The following RAB32 variants were observed in gnomAD, a reference collection of about 807,000 sequenced individuals.
RAB32 encodes ras-related protein Rab-32.
In RAB32, 17 loss-of-function variants were observed where a neutral mutation model predicts 17.5. The ratio of observed to expected loss-of-function variants is 0.97; its 90% CI spans 0.67 to 1.46. The LOEUF (loss-of-function observed/expected upper bound fraction) is 1.46. RAB32 is among the 40% of genes most tolerant of loss of function. The pLI is 0.00. For synonymous variants in RAB32, 115 were observed against 111.1 expected (o/e 1.04, Z -0.22); for missense variants, 288 against 284.3 (o/e 1.01, Z -0.09).
At chr6:146,547,260 G>A (rs1189309459) in intron 1 of RAB32, among the ~76,000 whole-genome samples, 2 of 152,046 alleles carry the variant, frequency 1.3e-5, no homozygotes, top group Non-Finnish European at 2.9e-5. Context: ...TTGCTTATTA[G>A]TCACTATAGC....
At chr6:146,553,398 G>A (rs1284372275) in intron 2 of RAB32, among the ~76,000 whole-genome samples, 1 of 152,162 alleles carries the variant, frequency 6.6e-6, no homozygotes, top group African/African-American at 2.4e-5. Context: ...CTGATAAACT[G>A]TGCAGGGTAC....
intron 1 of RAB32, among the ~76,000 whole-genome samples, chr6:146,546,697 TA>T (rs1326167477): frequency 6.6e-6 from 1 of 151,508 alleles, no homozygotes; most frequent in East Asian, 1.9e-4. Context: ...TCTCAAATAA[TA>T]GAAATATTCT....
At chr6:146,545,797 G>A (rs1436078207) in intron 1 of RAB32, among the ~76,000 whole-genome samples, 1 of 152,202 alleles carries the variant, frequency 6.6e-6, no homozygotes, top group East Asian at 1.9e-4. Flanking sequence ...ACAAAGTCAT[G>A]GATTCTAAAG....
rs747587854 is a variant in RAB32, at chr6:146,544,028, C to A, written c.157C>A (p.His53Asn). ...CTACGTCCACCAGCTCTTCTCCCAG[C>A]ACTACCGGGCCACCATCGGGGTGGA... ...KRYVHQLFSQ[H>N]YRATIGVDFA... is the part of the protein sequence containing the mutation. The change falls in exon 1 of 3, where the codon CAC becomes AAC. Residue 53 changes from histidine to asparagine, a missense_variant. Coordinates refer to ENST00000367495, the MANE Select transcript of RAB32 (RefSeq NM_006834.5). 6.2e-7 allele frequency: 1 copy of A among 1,613,998 alleles called. No individual in the cohort carries two copies. Among genetic ancestry groups the A allele is most frequent in the East Asian group, 2.2e-5 (1 of 44,826 alleles).
At chr6:146,544,254 A>G in intron 1 of RAB32, 133 bp downstream of exon 1, 1 of 1,196,990 alleles carries the variant, frequency 8.4e-7, no homozygotes, top group South Asian at 1.7e-5. Context: ...GGCCCAATCC[A>G]AGGGCGAGAT....
chr6:146,544,368 G>A (rs973020528), intron 1 of RAB32, among the ~76,000 whole-genome samples: 1 of 152,056 alleles, frequency 6.6e-6, no homozygotes, highest in Admixed American at 6.5e-5. Context: ...CTGAAGGGAG[G>A]CGAGGAGGCC....
intron 2 of RAB32, among the ~76,000 whole-genome samples, chr6:146,553,065 A>C (rs898462639): frequency 5.3e-5 from 8 of 152,158 alleles, no homozygotes; most frequent in African/African-American, 1.2e-4. Flanking sequence ...TTCTTTTTTT[A>C]TTTTTATTTT....
At position 146,554,868 on chromosome 6, in the gene RAB32, A is replaced by G; in HGVS notation, c.*263A>G. ...TGTTTACATCCTTTTAAACATTTTTATATGACAATTCCTCAGGATTTGGTA... is the reference window on the plus strand; with the variant it reads ...TGTTTACATCCTTTTAAACATTTTTGTATGACAATTCCTCAGGATTTGGTA... On this transcript the variant is annotated 3_prime_UTR_variant, in exon 3 of 3. Transcript: ENST00000367495. 1 of 292,908 alleles carries G rather than the reference A, an allele frequency of 3.4e-6. No homozygotes were observed. 18.1% of individuals were successfully genotyped at this position (292,908 alleles called of 1,614,324 possible).
chr6:146,553,154 T>C lies in RAB32; in HGVS notation c.529-1302T>C, dbSNP rs117250009. Among the ~76,000 whole-genome samples, 630 of 152,322 alleles carry C rather than the reference T, an allele frequency of 4.1e-3. 26 individuals carry two copies. The East Asian group carries it at 0.095, about 23-fold the overall frequency. On this transcript the variant is annotated intron_variant, in intron 2 of 2. Transcript: ENST00000367495. ...CGTATGTATACATGTGTGGAACCTCTTTCTAACAGTAGAATTCCAGCTAAT... is the reference window on the plus strand; with the variant it reads ...CGTATGTATACATGTGTGGAACCTCCTTCTAACAGTAGAATTCCAGCTAAT...
chr6:146,546,093 G>A (rs1562729900), intron 1 of RAB32, among the ~76,000 whole-genome samples: 2 of 152,188 alleles, frequency 1.3e-5, no homozygotes, highest in East Asian at 3.9e-4. Flanking sequence ...ATTAATCACA[G>A]ACCTCGAATG....
intron 1 of RAB32, among the ~76,000 whole-genome samples, chr6:146,546,008 A>G (rs982910303): frequency 4.6e-5 from 7 of 152,238 alleles, no homozygotes; most frequent in African/African-American, 1.7e-4. Context: ...TTAAGTGTTT[A>G]TAGTTAGAAA....
chr6:146,551,272 A>G (rs1279873328), intron 2 of RAB32, among the ~76,000 whole-genome samples: 5 of 152,236 alleles, frequency 3.3e-5, no homozygotes, highest in African/African-American at 9.6e-5. Context: ...CAGGAGTGCT[A>G]TGTGAGCACT....
chr6:146,544,012 C>T lies in RAB32; in HGVS notation c.141C>T (p.His47=). The T allele has an allele frequency of 6.2e-7, 1 of 1,613,922 alleles. No homozygotes were observed. The part of the protein sequence containing the change: ...GKTSIIKRYV[H]QLFSQHYRAT... ...CCAGCATCATCAAGCGCTACGTCCACCAGCTCTTCTCCCAGCACTACCGGG... is the reference window on the plus strand; with the variant it reads ...CCAGCATCATCAAGCGCTACGTCCATCAGCTCTTCTCCCAGCACTACCGGG... Residue 47 remains histidine, a synonymous_variant, in exon 1 of 3, where the codon CAC becomes CAT. Transcript: ENST00000367495.
At position 146,554,723 on chromosome 6, in the gene RAB32, C is replaced by T. The variant is rs1056843315; in HGVS notation, c.*118C>T. ...CATGTGGCACTTCAAAAGGCAGCAC[C>T]ACTGGGCGCCTGCACTTATTTGAAA... On this transcript the variant is annotated 3_prime_UTR_variant, in exon 3 of 3. Coordinates refer to ENST00000367495, the MANE Select transcript of RAB32 (RefSeq NM_006834.5). The T allele has an allele frequency of 2.7e-6, 3 of 1,107,942 alleles. No individual in the cohort carries two copies. Among genetic ancestry groups the T allele is most frequent in the Non-Finnish European group, 2.6e-6 (2 of 781,964 alleles). 68.6% of individuals were successfully genotyped at this position (1,107,942 alleles called of 1,614,324 possible). A position where few individuals can be genotyped will look rare whatever the true frequency, so the allele number is the denominator to read the frequency against.
At position 146,549,113 on chromosome 6, in the gene RAB32, C is replaced by G. The variant is rs183862561; in HGVS notation, c.251-351C>G. On this transcript the variant is annotated intron_variant, in intron 1 of 2. Coordinates refer to ENST00000367495, the MANE Select transcript of RAB32 (RefSeq NM_006834.5). ...TCTTCTATTCTTGTCTCTTCTTCCT[C>G]TACTTCCAGCTTTATGTTTTCCTTT... Among the ~76,000 whole-genome samples the G allele has an allele frequency of 5.9e-4, 90 of 152,348 alleles. 1 individual carries two copies. The East Asian group carries it at 0.016, about 27-fold the overall frequency.
At chr6:146,546,782 G>GTTTTTTTTT (rs962778741) in intron 1 of RAB32, among the ~76,000 whole-genome samples, 2 of 118,484 alleles carry the variant, frequency 1.7e-5, no homozygotes, top group African/African-American at 3.5e-5. Flanking sequence ...TACTAGTTAG[G>GTTTTTTTTT]TTTTTTTTTT....
chr6:146,552,376 A>C (rs749507678), intron 2 of RAB32, among the ~76,000 whole-genome samples: 2 of 152,202 alleles, frequency 1.3e-5, no homozygotes, highest in Non-Finnish European at 2.9e-5. Context: ...TAAAAAATAA[A>C]TAAAAAGCTT....
Position 146,551,066 on chromosome 6 carries a change from C to T in RAB32, c.528+1325C>T, listed in dbSNP as rs3804284. On this transcript the variant is annotated intron_variant, in intron 2 of 2. Transcript: ENST00000367495. ...CCAATGATGATCTGCGGGATAAAAGCGAAGCAATGAGAGACTGCACAAAAG... is the reference window on the plus strand; with the variant it reads ...CCAATGATGATCTGCGGGATAAAAGTGAAGCAATGAGAGACTGCACAAAAG... Among the ~76,000 whole-genome samples, 1,442 of 152,044 alleles carry T rather than the reference C, an allele frequency of 9.5e-3. 44 individuals carry two copies. The East Asian group carries it at 0.1, about 11-fold the overall frequency.
intron 2 of RAB32, among the ~76,000 whole-genome samples, chr6:146,550,092 T>A (rs950016086): frequency 1.4e-4 from 21 of 152,286 alleles, no homozygotes; most frequent in Middle Eastern, 3.4e-3. Context: ...AAAGGCTAAG[T>A]GAATAGGAAG....
Sources: allele counts gnomAD v4.1 joint callset (sites outside exome capture counted in the v4.1 genomes callset), GRCh38; gene constraint gnomAD v4.1.1; transcripts MANE v1.5; gene names NCBI Gene and HGNC (gene_info 2026-07-23, HGNC 2026-07-21).